DAPK2: variants seen among roughly 807,000 people sequenced by gnomAD.
The protein encoded by DAPK2 is death-associated protein kinase 2.
DAPK2 carries 35 observed loss-of-function variants against 44.1 expected under a neutral mutation model. The observed-to-expected ratio is 0.79, with a 90% CI of 0.61 to 1.05. The LOEUF (loss-of-function observed/expected upper bound fraction) is 1.05, where lower values mean the gene tolerates loss of function less well. DAPK2 is among the 50% of genes least tolerant of loss of function. The pLI, the probability that DAPK2 is intolerant of heterozygous loss-of-function variation, is 0.00. For missense variants in DAPK2, 453 were observed against 483.2 expected (o/e 0.94, Z 0.59); for synonymous variants, 174 against 182.6 (o/e 0.95, Z 0.38).
intron 1 of DAPK2, among the ~76,000 whole-genome samples, chr15:64,021,780 T>C (rs756651460): frequency 5.9e-5 from 9 of 152,094 alleles, no homozygotes; most frequent in Non-Finnish European, 1.0e-4. Flanking sequence ...GGAGAGGAAG[T>C]ATTTTCACTG....
At chr15:63,921,051 G>A (rs1371242911) in intron 8 of DAPK2, 1 of 152,276 alleles carries the variant, frequency 6.6e-6, no homozygotes, top group Non-Finnish European at 1.5e-5. Context: ...ACAAGCTGCA[G>A]CTCTATCTCT....
At chr15:64,035,886 A>G (rs4479178) in intron 1 of DAPK2, among the ~76,000 whole-genome samples, 29,815 of 152,170 alleles carry the variant, frequency 0.2, 3,010 homozygotes, top group South Asian at 0.25. Flanking sequence ...AGGATGCTCC[A>G]GCCAGGGTAT....
chr15:64,036,309 G>GTGTGTGTGTGTATA (rs1255068392), intron 1 of DAPK2, among the ~76,000 whole-genome samples: 1 of 60,516 alleles, frequency 1.7e-5, no homozygotes, highest in African/African-American at 4.1e-5. Flanking sequence ...GTGTGTGTGT[G>GTGTGTGTGTGTATA]TATATATATG....
At chr15:63,963,642 T>C (rs1346740894) in intron 3 of DAPK2, among the ~76,000 whole-genome samples, 1 of 152,232 alleles carries the variant, frequency 6.6e-6, no homozygotes, top group Non-Finnish European at 1.5e-5. Flanking sequence ...GTCCTTCCTG[T>C]CTTCCTTTTA....
chr15:63,979,912 C>G (rs578003648), intron 2 of DAPK2, among the ~76,000 whole-genome samples: 1 of 151,922 alleles, frequency 6.6e-6, no homozygotes, highest in African/African-American at 2.4e-5. Context: ...AAGACTCCAT[C>G]TCAAAAAACA....
intron 3 of DAPK2, among the ~76,000 whole-genome samples, chr15:63,970,927 T>C (rs2078194743): frequency 2.6e-5 from 4 of 152,104 alleles, no homozygotes; most frequent in Admixed American, 6.6e-5. Flanking sequence ...TGGAGCACAG[T>C]AGGGGTTGTG....
intron 1 of DAPK2, among the ~76,000 whole-genome samples, chr15:64,026,381 C>A (rs968978774): frequency 6.6e-6 from 1 of 152,090 alleles, no homozygotes; most frequent in Non-Finnish European, 1.5e-5. Context: ...GTAGCTAGGA[C>A]TACAGGCGCA....
chr15:63,999,987 G>C (rs896528588), intron 1 of DAPK2, among the ~76,000 whole-genome samples: 2 of 151,776 alleles, frequency 1.3e-5, no homozygotes, highest in Non-Finnish European at 2.9e-5. Flanking sequence ...GGCTGGTCTC[G>C]AACTCCTGGG....
chr15:63,915,440 C>CCT (rs1409922442), intron 8 of DAPK2, among the ~76,000 whole-genome samples: 6 of 152,222 alleles, frequency 3.9e-5, no homozygotes, highest in Non-Finnish European at 5.9e-5. Context: ...GGCACCTGCA[C>CCT]CTCACAAGGA....
intron 3 of DAPK2, among the ~76,000 whole-genome samples, chr15:63,942,039 C>T (rs939373299): frequency 6.6e-6 from 1 of 152,236 alleles, no homozygotes; most frequent in Non-Finnish European, 1.5e-5. Flanking sequence ...CCCAGCCCTC[C>T]CGACCACCAT....
intron 1 of DAPK2, among the ~76,000 whole-genome samples, chr15:64,019,753 C>T (rs1290948468): frequency 1.3e-5 from 2 of 152,186 alleles, no homozygotes; most frequent in Admixed American, 6.5e-5. Context: ...CCAGACAGTG[C>T]AGACAGGAAA....
At chr15:63,929,919 G>A in intron 5 of DAPK2, 2 of 465,000 alleles carry the variant, frequency 4.3e-6, no homozygotes, top group Non-Finnish European at 4.1e-6. Context: ...CTGTTGGCAG[G>A]ATTTTAGAAA....
chr15:64,042,786 TG>T (rs756621304), upstream of DAPK2, among the ~76,000 whole-genome samples: 11 of 152,212 alleles, frequency 7.2e-5, no homozygotes, highest in African/African-American at 1.4e-4. The surrounding 1 kb of genome is among the most constrained non-coding windows in gnomAD (Gnocchi z 4.7). Context: ...GTGGGGCCCT[TG>T]CCAGGGGAGG....
chr15:63,994,330 G>C (rs140554515), intron 1 of DAPK2, among the ~76,000 whole-genome samples: 343 of 152,020 alleles, frequency 2.3e-3, no homozygotes, highest in African/African-American at 7.9e-3. Flanking sequence ...CAGTGCAGCA[G>C]GAACCCTTCA....
chr15:64,045,106 C>G (rs1295104258), upstream of DAPK2, among the ~76,000 whole-genome samples: 1 of 152,170 alleles, frequency 6.6e-6, no homozygotes, highest in African/African-American at 2.4e-5. Flanking sequence ...GCTTGTTCAC[C>G]CCACAGCTAA....
At chr15:63,984,148 A>G (rs906526773) in intron 1 of DAPK2, among the ~76,000 whole-genome samples, 2 of 152,158 alleles carry the variant, frequency 1.3e-5, no homozygotes, top group Admixed American at 6.5e-5. Flanking sequence ...GTTTGGGTAG[A>G]GTTTGGAGAG....
chr15:64,008,214 T>C (rs1010772178), intron 1 of DAPK2, among the ~76,000 whole-genome samples: 92 of 133,150 alleles, frequency 6.9e-4, no homozygotes, highest in African/African-American at 2.7e-3. Context: ...TTATATCTGT[T>C]TTTTTAAAAA....
intron 2 of DAPK2, among the ~76,000 whole-genome samples, chr15:63,976,787 T>C (rs1247862727): frequency 3.9e-5 from 6 of 152,210 alleles, no homozygotes; most frequent in African/African-American, 1.4e-4. Flanking sequence ...GTTTGAAAAA[T>C]AGAATGTAAA....
At chr15:63,988,721 G>A (rs1048675198) in intron 1 of DAPK2, among the ~76,000 whole-genome samples, 3 of 151,612 alleles carry the variant, frequency 2.0e-5, no homozygotes, top group African/African-American at 7.3e-5. Context: ...GGCCAGGCTG[G>A]TCTTGAACTC....
Sources: allele counts gnomAD v4.1 joint callset (sites outside exome capture counted in the v4.1 genomes callset), GRCh38; gene constraint gnomAD v4.1.1; non-coding constraint Gnocchi (gnomAD v3.1); transcripts MANE v1.5; gene names NCBI Gene and HGNC (gene_info 2026-07-23, HGNC 2026-07-21).